The following SLIT3 variants were observed in gnomAD, a reference collection of about 807,000 sequenced individuals.
SLIT3 encodes the protein slit homolog 3 protein.
In SLIT3, 68 loss-of-function variants were observed where a neutral mutation model predicts 184.0. The observed-to-expected ratio is 0.37, with a 90% CI of 0.30 to 0.45. The LOEUF (loss-of-function observed/expected upper bound fraction) is 0.45, where lower values mean the gene tolerates loss of function less well. Among genes scored for constraint, SLIT3 ranks in the 20% least tolerant of loss-of-function variants. The pLI is 1.00. For missense variants in SLIT3, 1,707 were observed against 2,026.0 expected (o/e 0.84, Z 3.02); for synonymous variants, 831 against 828.6 (o/e 1.00, Z -0.05).
chr5:169,229,768 A>T lies in SLIT3; in HGVS notation c.341+14937T>A, dbSNP rs189722515. The stretch of plus-strand genomic sequence containing the variant: ...TGCCGATCTCAAAATGAAGCACTTC[A>T]TATAGGTAATCTCATAAGAGCCTCA... On this transcript the variant is annotated intron_variant, in intron 3 of 35. Coordinates refer to ENST00000519560, the MANE Select transcript of SLIT3 (RefSeq NM_003062.4). Among the ~76,000 whole-genome samples, 29 of 152,282 alleles carry T rather than the reference A, an allele frequency of 1.9e-4. No individual in the cohort carries two copies. The East Asian group carries it at 2.7e-3, about 14-fold the overall frequency.
At chr5:169,155,464 T>C (rs1762271351) in intron 4 of SLIT3, among the ~76,000 whole-genome samples, 1 of 152,236 alleles carries the variant, frequency 6.6e-6, no homozygotes, top group South Asian at 2.1e-4. Context: ...ATAAACCTTT[T>C]GTCCTAGGTA....
intron 4 of SLIT3, chr5:169,022,258 C>G (rs1223294829): frequency 6.6e-6 from 1 of 152,140 alleles, no homozygotes; most frequent in Non-Finnish European, 1.5e-5. Context: ...TTTGTGCCCT[C>G]GAGAATTGTA....
At chr5:169,162,209 T>C (rs1248802651) in intron 4 of SLIT3, among the ~76,000 whole-genome samples, 1 of 152,066 alleles carries the variant, frequency 6.6e-6, no homozygotes, top group Admixed American at 6.5e-5. Context: ...ATCCTCAAAG[T>C]GGGGTCCAAG....
chr5:168,900,791 T>C (rs531586902), intron 4 of SLIT3, among the ~76,000 whole-genome samples: 3 of 152,290 alleles, frequency 2.0e-5, no homozygotes, highest in Admixed American at 6.5e-5. Context: ...TAAAAACGAA[T>C]GAAATCATGT....
At chr5:169,040,042 T>G (rs1034429040) in intron 4 of SLIT3, among the ~76,000 whole-genome samples, 1 of 152,178 alleles carries the variant, frequency 6.6e-6, no homozygotes, top group African/African-American at 2.4e-5. Flanking sequence ...GAAATAAAAT[T>G]TAGATGCCAT....
chr5:169,080,025 A>G (rs1205531433), intron 4 of SLIT3, among the ~76,000 whole-genome samples: 2 of 152,016 alleles, frequency 1.3e-5, no homozygotes, highest in Non-Finnish European at 2.9e-5. Flanking sequence ...AAGGGGGGCT[A>G]CTGCAACGGG....
chr5:169,171,131 G>A (rs895796774), intron 4 of SLIT3, among the ~76,000 whole-genome samples: 2 of 152,240 alleles, frequency 1.3e-5, no homozygotes, highest in Admixed American at 6.5e-5. Context: ...AGACTTCAGT[G>A]AGGAGAGATG....
intron 14 of SLIT3, among the ~76,000 whole-genome samples, chr5:168,771,603 A>G (rs866831844): frequency 7.9e-5 from 12 of 152,220 alleles, no homozygotes; most frequent in African/African-American, 2.4e-4. Context: ...TGGCTGTTGT[A>G]ACTGACATCA....
intron 32 of SLIT3, among the ~76,000 whole-genome samples, chr5:168,674,782 G>A (rs1582515534): frequency 6.6e-6 from 1 of 152,220 alleles, no homozygotes. Context: ...ATGAACCACC[G>A]TGCCTGGCTG....
At chr5:169,006,745 A>G (rs148088685) in intron 4 of SLIT3, among the ~76,000 whole-genome samples, 187 of 152,276 alleles carry the variant, frequency 1.2e-3, no homozygotes, top group African/African-American at 4.3e-3. Context: ...TTTCCTCCCC[A>G]AAGTTCCCTA....
chr5:169,070,797 CAAAAAAA>C (rs34764320), intron 4 of SLIT3, among the ~76,000 whole-genome samples: 1 of 116,068 alleles, frequency 8.6e-6, no homozygotes, highest in Non-Finnish European at 1.8e-5. Context: ...ACATTTTCCT[CAAAAAAA>C]AAAAAAAAAA....
rs552355751 is a variant in SLIT3, at chr5:169,209,727, A to G, written c.342-16177T>C. ...AACCAAACACCACATGTTCTCACTC[A>G]TAATTGGGAGTTGAACAACGAGAAC... On this transcript the variant is annotated intron_variant, in intron 3 of 35. Coordinates refer to ENST00000519560, the MANE Select transcript of SLIT3 (RefSeq NM_003062.4). 1.7e-3 allele frequency among the ~76,000 whole-genome samples: 253 copies of G among 152,300 alleles called. 1 individual carries two copies. The highest frequency in any genetic ancestry group is 5.9e-3 in the African/African-American group (247 of 41,564).
At position 169,059,610 on chromosome 5, in the gene SLIT3, A is replaced by G. The variant is rs917486270; in HGVS notation, c.413+133869T>C. Reference sequence around the variant, plus strand: ...CACATGTAATTAGCATGCCCAGCACAACATTAAAAACAAATTTTTAAAATG... The same window carrying G: ...CACATGTAATTAGCATGCCCAGCACGACATTAAAAACAAATTTTTAAAATG... On this transcript the variant is annotated intron_variant, in intron 4 of 35. Coordinates refer to ENST00000519560, the MANE Select transcript of SLIT3 (RefSeq NM_003062.4). Among the ~76,000 whole-genome samples, 3 of 152,358 alleles carry G rather than the reference A, an allele frequency of 2.0e-5. 1 individual carries two copies. The highest frequency in any genetic ancestry group is 7.2e-5 in the African/African-American group (3 of 41,586).
At chr5:168,992,422 T>C (rs1755361157) in intron 4 of SLIT3, among the ~76,000 whole-genome samples, 1 of 152,260 alleles carries the variant, frequency 6.6e-6, no homozygotes, top group African/African-American at 2.4e-5. Context: ...TTACTTTTAC[T>C]TTATGCGAGG....
At chr5:169,002,345 A>AAAAAAAAAAAAAAG (rs1561600096) in intron 4 of SLIT3, among the ~76,000 whole-genome samples, 27 of 145,390 alleles carry the variant, frequency 1.9e-4, no homozygotes, top group Non-Finnish European at 3.2e-4. Context: ...AAAAAAAAAA[A>AAAAAAAAAAAAAAG]AAAAAAAAAA....
chr5:168,673,708 T>G (rs983770748), intron 32 of SLIT3, among the ~76,000 whole-genome samples: 1 of 152,242 alleles, frequency 6.6e-6, no homozygotes, highest in Non-Finnish European at 1.5e-5. Flanking sequence ...GAATTTAACA[T>G]GGATACCACA....
chr5:169,235,858 T>C (rs954015389), intron 3 of SLIT3, among the ~76,000 whole-genome samples: 3 of 152,200 alleles, frequency 2.0e-5, no homozygotes, highest in Non-Finnish European at 4.4e-5. Flanking sequence ...CGAAAGTACA[T>C]ACTATCAAAT....
chr5:168,736,335 C>T (rs1040070732), intron 20 of SLIT3, among the ~76,000 whole-genome samples: 1 of 152,182 alleles, frequency 6.6e-6, no homozygotes, highest in Non-Finnish European at 1.5e-5. Context: ...TTCTCTGGGC[C>T]AGAGCCTGTG....
intron 1 of SLIT3, among the ~76,000 whole-genome samples, chr5:169,254,824 C>T (rs1765893996): frequency 6.6e-6 from 1 of 152,186 alleles, no homozygotes; most frequent in African/African-American, 2.4e-5. Flanking sequence ...GTGCAGATAC[C>T]TTTGGGACTC....
Sources: gnomAD v4.1 joint callset for allele counts (sites outside exome capture counted in the v4.1 genomes callset) on GRCh38, gnomAD v4.1.1 for gene constraint, MANE v1.5 for transcripts, NCBI Gene and HGNC (gene_info 2026-07-23, HGNC 2026-07-21) for gene names.